The following RHBDL2 variants were observed in gnomAD, a reference collection of about 807,000 sequenced individuals.
The protein encoded by RHBDL2 is rhomboid like 2.
RHBDL2 carries 26 observed loss-of-function variants against 31.7 expected under a neutral mutation model. The ratio of observed to expected loss-of-function variants is 0.82; its 90% confidence interval spans 0.60 to 1.14. RHBDL2 has a LOEUF of 1.14. RHBDL2 is among the 50% of genes most tolerant of loss of function. RHBDL2 has a pLI of 0.00. For missense variants in RHBDL2, 336 were observed against 364.4 expected (o/e 0.92, Z 0.63); for synonymous variants, 123 against 127.2 (o/e 0.97, Z 0.22).
At chr1:38,900,289 G>A (rs567409332) in intron 4 of RHBDL2, among the ~76,000 whole-genome samples, 6 of 152,118 alleles carry the variant, frequency 3.9e-5, no homozygotes, top group African/African-American at 1.4e-4. Context: ...GTATGGTGGT[G>A]TGCACCTATA....
chr1:38,925,088 G>T (rs1488936103), intron 1 of RHBDL2, among the ~76,000 whole-genome samples: 1 of 151,984 alleles, frequency 6.6e-6, no homozygotes, highest in Non-Finnish European at 1.5e-5. Context: ...GCCGAAAAGA[G>T]ATTTCTATAA....
chr1:38,900,343 C>T (rs72925164), intron 4 of RHBDL2, among the ~76,000 whole-genome samples: 30 of 152,228 alleles, frequency 2.0e-4, no homozygotes, highest in Admixed American at 1.6e-3. Flanking sequence ...CCCCCTGGGC[C>T]GAGTGCAGTG....
chr1:38,937,656 C>T (rs575330983), intron 1 of RHBDL2, among the ~76,000 whole-genome samples: 1 of 152,256 alleles, frequency 6.6e-6, no homozygotes, highest in East Asian at 1.9e-4. Flanking sequence ...TTCCTGGAAA[C>T]CCTTCTACAC....
intron 2 of RHBDL2, among the ~76,000 whole-genome samples, chr1:38,918,389 C>A (rs1175638184): frequency 6.6e-6 from 1 of 152,116 alleles, no homozygotes; most frequent in Non-Finnish European, 1.5e-5. Flanking sequence ...TACAGGGGAG[C>A]CTCATCCTGG....
At chr1:38,892,145 C>T (rs904992182) in intron 6 of RHBDL2, among the ~76,000 whole-genome samples, 3 of 152,218 alleles carry the variant, frequency 2.0e-5, no homozygotes, top group Non-Finnish European at 4.4e-5. Context: ...TAGTCACCCT[C>T]TTGGTCTGGG....
intron 4 of RHBDL2, among the ~76,000 whole-genome samples, chr1:38,905,479 G>A (rs1643051738): frequency 6.6e-6 from 1 of 151,954 alleles, no homozygotes; most frequent in South Asian, 2.1e-4. Context: ...GCTGGGCATG[G>A]TGGCTCATGC....
At chr1:38,917,663 A>G (rs938830255) in intron 2 of RHBDL2, among the ~76,000 whole-genome samples, 1 of 152,194 alleles carries the variant, frequency 6.6e-6, no homozygotes, top group Non-Finnish European at 1.5e-5. Context: ...AGTTGCAAGC[A>G]GTCTCACAGT....
rs115967731 is a variant in RHBDL2, at chr1:38,921,182, G to A, written c.-125-1845C>T. Reference sequence around the variant, plus strand: ...CCATCACTTGAGGTCAGGAGTTTCAGAACAGACTGGCCAACCTGGTGAAAC... The same window carrying A: ...CCATCACTTGAGGTCAGGAGTTTCAAAACAGACTGGCCAACCTGGTGAAAC... On this transcript the variant is annotated intron_variant, in intron 1 of 7. Transcript: ENST00000372990. Among the ~76,000 whole-genome samples, 474 of 152,294 alleles carry A rather than the reference G, an allele frequency of 3.1e-3. 6 individuals are homozygous for A. The highest frequency in any genetic ancestry group is 0.011 in the African/African-American group (455 of 41,572).
At chr1:38,907,753 A>T (rs1643087293) in intron 4 of RHBDL2, among the ~76,000 whole-genome samples, 1 of 152,218 alleles carries the variant, frequency 6.6e-6, no homozygotes, top group South Asian at 2.1e-4. Flanking sequence ...AAGTGAACAA[A>T]CAAATAAATG....
rs763845306 is a variant in RHBDL2, at chr1:38,900,313, G to A, written c.509-4244C>T. On this transcript the variant is annotated intron_variant, in intron 4 of 7. Transcript: ENST00000372990. ...TGTGCACCTATAATCCCAGCTACTC[G>A]GGAGGCTGAGACACAAGAACCCCCT... is the stretch of plus-strand genomic sequence containing the variant. 9.9e-4 allele frequency among the ~76,000 whole-genome samples: 151 copies of A among 152,106 alleles called. 1 individual carries two copies. Among genetic ancestry groups the A allele is most frequent in the African/African-American group, 1.6e-3 (66 of 41,486 alleles).
intron 1 of RHBDL2, among the ~76,000 whole-genome samples, chr1:38,927,808 C>T (rs1180150918): frequency 6.6e-6 from 1 of 152,142 alleles, no homozygotes; most frequent in Admixed American, 6.6e-5. Context: ...TGAGCATTGT[C>T]TTCATTAATT....
At chr1:38,892,814 T>C (rs1002694942) in intron 6 of RHBDL2, among the ~76,000 whole-genome samples, 2 of 152,214 alleles carry the variant, frequency 1.3e-5, no homozygotes, top group African/African-American at 4.8e-5. Flanking sequence ...CTACCTGTTC[T>C]AACCATAAGA....
At chr1:38,887,473 G>A (rs1027613546) in intron 7 of RHBDL2, among the ~76,000 whole-genome samples, 5 of 152,070 alleles carry the variant, frequency 3.3e-5, no homozygotes, top group African/African-American at 2.4e-5. Flanking sequence ...CACCCAGGCT[G>A]GAGTGCAGTG....
At chr1:38,934,617 C>T (rs537513496) in intron 1 of RHBDL2, among the ~76,000 whole-genome samples, 195 of 141,622 alleles carry the variant, frequency 1.4e-3, no homozygotes, top group African/African-American at 4.6e-3. Context: ...GCAGAGATCG[C>T]GCCACTGCAT....
intron 1 of RHBDL2, among the ~76,000 whole-genome samples, chr1:38,937,394 T>C (rs1643522244): frequency 6.6e-6 from 1 of 152,182 alleles, no homozygotes; most frequent in African/African-American, 2.4e-5. Context: ...ATGGACCTTG[T>C]TCAATGAATT....
intron 6 of RHBDL2, among the ~76,000 whole-genome samples, chr1:38,892,347 C>T (rs1427838427): frequency 2.6e-5 from 4 of 152,108 alleles, no homozygotes; most frequent in African/African-American, 9.7e-5. Flanking sequence ...AAATCACATA[C>T]AGCTTCCAAT....
At chr1:38,919,629 G>A (rs1475020182) in intron 1 of RHBDL2, among the ~76,000 whole-genome samples, 2 of 150,484 alleles carry the variant, frequency 1.3e-5, no homozygotes, top group East Asian at 3.9e-4. Context: ...TTTATGAGGT[G>A]GAGTCATCTT....
chr1:38,899,892 G>GC (rs1332336453), intron 4 of RHBDL2, among the ~76,000 whole-genome samples: 4 of 152,126 alleles, frequency 2.6e-5, no homozygotes, highest in Non-Finnish European at 5.9e-5. Flanking sequence ...GGGCAGGAGG[G>GC]CCCCAAGGAC....
At chr1:38,902,827 C>T (rs1335541940) in intron 4 of RHBDL2, among the ~76,000 whole-genome samples, 1 of 152,162 alleles carries the variant, frequency 6.6e-6, no homozygotes, top group African/African-American at 2.4e-5. Flanking sequence ...GCTGGGATTA[C>T]AGGCGTGAGC....
Sources: gnomAD v4.1 joint callset for allele counts (sites outside exome capture counted in the v4.1 genomes callset) on GRCh38, gnomAD v4.1.1 for gene constraint, MANE v1.5 for transcripts, NCBI Gene and HGNC (gene_info 2026-07-23, HGNC 2026-07-21) for gene names.